BAHCC1: variants seen among roughly 807,000 people sequenced by gnomAD.
The protein encoded by BAHCC1 is BAH domain and coiled-coil containing 1.
In BAHCC1, 43 loss-of-function variants were observed where a neutral mutation model predicts 88.2. That is an observed-to-expected ratio of 0.49 (90% CI 0.38 to 0.63). BAHCC1 has a LOEUF of 0.63. Among genes scored for constraint, BAHCC1 ranks in the 20% least tolerant of loss-of-function variants. The pLI, the probability that BAHCC1 is intolerant of heterozygous loss-of-function variation, is 0.00. For synonymous variants in BAHCC1, 1,510 were observed against 745.5 expected, an observed-to-expected ratio of 2.03 and a Z score of -16.71; for missense variants, 3,023 against 1,654.8, an observed-to-expected ratio of 1.83 and a Z score of -14.34.
At chr17:81,463,575 G>A in intron 27 of BAHCC1, 36 bp from the exon 28 acceptor site, 1 of 777,282 alleles carries the variant, frequency 1.3e-6, no homozygotes, top group South Asian at 1.3e-5. Context: ...CACTGGCCAA[G>A]GCCGGCCACT....
At chr17:81,429,340 G>C (rs978129367) in intron 3 of BAHCC1, among the ~76,000 whole-genome samples, 4 of 152,200 alleles carry the variant, frequency 2.6e-5, no homozygotes, top group African/African-American at 9.6e-5. Context: ...GCTGTCCCCT[G>C]CTCTGCCTTC....
At chr17:81,458,081 A>C (rs1336414332) in intron 17 of BAHCC1, 84 bp from the exon 18 acceptor site, 1 of 687,966 alleles carries the variant, frequency 1.5e-6, no homozygotes, top group Non-Finnish European at 2.7e-6. Flanking sequence ...CTAGGTAACC[A>C]GGAGGGAGGA....
At position 81,447,373 on chromosome 17, in the gene BAHCC1, C is replaced by T. The variant is rs1205185833; in HGVS notation, c.3501C>T (p.Gly1167=). 2.0e-5 allele frequency: 15 copies of T among 735,898 alleles called. No homozygotes were observed. Among genetic ancestry groups the T allele is most frequent in the Non-Finnish European group, 3.8e-5 (15 of 396,520 alleles). The allele number at this position is 735,898 out of a possible 1,614,324, so 45.6% of individuals were successfully genotyped here. A position where few individuals can be genotyped will look rare whatever the true frequency, so the allele number is the denominator to read the frequency against. ...LQCAALLEAG[G]PEATGQAHST... is the part of the protein sequence containing the mutation. ...GTGCGGCCCTCCTGGAGGCAGGGGG[C>T]CCCGAGGCCACCGGCCAGGCTCATT... Residue 1167 remains glycine, a synonymous_variant, in exon 11 of 28, where the codon GGC becomes GGT. Coordinates refer to ENST00000675386, the MANE Select transcript of BAHCC1 (RefSeq NM_001377448.1).
rs1489944820 is a variant in BAHCC1, at chr17:81,425,419, GGGTGATGTGGTTGGT to G, written c.179-1366_179-1352del. On this transcript the variant is annotated intron_variant, in intron 2 of 27. Transcript: ENST00000675386. ...GATAGTGGTGGGTGATGTGGTTGGT[GGGTGATGTGGTTGGT>G]GGTGATGTGGTTGGGGGTGATAGTG... Among the ~76,000 whole-genome samples the G allele has an allele frequency of 1.3e-3, 62 of 46,436 alleles. 1 individual carries two copies. The highest frequency in any genetic ancestry group is 1.6e-3 in the Non-Finnish European group (40 of 25,044). 30.5% of individuals were successfully genotyped at this position (46,436 alleles called of 152,430 possible).
intron 11 of BAHCC1, among the ~76,000 whole-genome samples, chr17:81,451,346 C>T (rs1359205047): frequency 1.3e-5 from 2 of 152,268 alleles, no homozygotes; most frequent in South Asian, 2.1e-4. Flanking sequence ...GACACACAGG[C>T]GTTTCTGTTA....
Position 81,411,160 on chromosome 17 carries a change from T to G in BAHCC1, c.178+11243T>G, listed in dbSNP as rs1446658795. ...TTCATCACGTGCCTGCAGGTGCCTG[T>G]GTCCTGTCTCTGCCCCAGGCTGAGG... On this transcript the variant is annotated intron_variant, in intron 2 of 27. Coordinates refer to ENST00000675386, the MANE Select transcript of BAHCC1 (RefSeq NM_001377448.1). This position sits in a 1 kb window ranked among gnomAD's most constrained non-coding sequence, Gnocchi z 6.2. The G allele has an allele frequency of 3.9e-6, 2 of 518,894 alleles. No individual in the cohort carries two copies. The highest frequency in any genetic ancestry group is 3.9e-5 in the African/African-American group (2 of 51,924). The allele number at this position is 518,894 out of a possible 1,614,324, so 32.1% of individuals were successfully genotyped here.
intron 2 of BAHCC1, chr17:81,402,227 G>T (rs574390373): frequency 6.6e-6 from 1 of 152,230 alleles, no homozygotes; most frequent in Admixed American, 6.5e-5. Flanking sequence ...GCTTGTGCTC[G>T]GAGATGTTCA....
chr17:81,398,621 AC>A (rs2063770544), intron 1 of BAHCC1, among the ~76,000 whole-genome samples: 1 of 151,910 alleles, frequency 6.6e-6, no homozygotes, highest in Non-Finnish European at 1.5e-5. Flanking sequence ...CCCCACACAC[AC>A]CCCCAAGCCC....
chr17:81,454,493 G>A (rs1466001018), intron 14 of BAHCC1, among the ~76,000 whole-genome samples: 3 of 152,146 alleles, frequency 2.0e-5, no homozygotes, highest in African/African-American at 7.2e-5. Context: ...CCCGGCAACG[G>A]GGTCCCTGGG....
At chr17:81,402,801 T>G (rs1555646284) in intron 2 of BAHCC1, 1 of 152,186 alleles carries the variant, frequency 6.6e-6, no homozygotes, top group African/African-American at 2.4e-5. Context: ...CCCAACACTT[T>G]CAGAATGTCA....
chr17:81,455,016 G>A lies in BAHCC1; in HGVS notation c.4446-251G>A, dbSNP rs59800027. ...AGTATAGCCAAGTGGGGGATGGGGC[G>A]GATTTGAGGATATAGGGACTGCTGA... On this transcript the variant is annotated intron_variant, in intron 14 of 27. Coordinates refer to ENST00000675386, the MANE Select transcript of BAHCC1 (RefSeq NM_001377448.1). 4.7e-3 allele frequency among the ~76,000 whole-genome samples: 723 copies of A among 152,346 alleles called. 6 individuals carry two copies. The highest frequency in any genetic ancestry group is 0.016 in the African/African-American group (660 of 41,582).
Position 81,465,605 on chromosome 17 carries a change from A to T in BAHCC1, c.*1788A>T, listed in dbSNP as rs2030649268. The stretch of plus-strand genomic sequence containing the variant: ...CTCTAGGACGAGCTCTGTGTCCCCC[A>T]CACCACAGGCCTCGAAGCAGGGTGC... On this transcript the variant is annotated 3_prime_UTR_variant, in exon 28 of 28. Coordinates refer to ENST00000675386, the MANE Select transcript of BAHCC1 (RefSeq NM_001377448.1). The T allele has an allele frequency of 6.6e-6, 1 of 152,240 alleles. No homozygotes were observed. Among genetic ancestry groups the T allele is most frequent in the South Asian group, 2.1e-4 (1 of 4,828 alleles). 9.4% of individuals were successfully genotyped at this position (152,240 alleles called of 1,614,324 possible). A position where few individuals can be genotyped will look rare whatever the true frequency, so the allele number is the denominator to read the frequency against.
At chr17:81,456,168 G>C (rs1244371944) in intron 15 of BAHCC1, 129 bp from the exon 16 acceptor site, 3 of 599,440 alleles carry the variant, frequency 5.0e-6, no homozygotes, top group Non-Finnish European at 8.8e-6. Context: ...TTCAGCCCCT[G>C]TGGATCGAGG....
intron 5 of BAHCC1, 40 bp from the exon 6 acceptor site, chr17:81,443,769 G>A (rs374603371): frequency 1.2e-4 from 84 of 702,806 alleles, no homozygotes; most frequent in African/African-American, 9.1e-4. Flanking sequence ...CTCCCTGGCC[G>A]CCCCAACCCT....
At chr17:81,426,023 A>G (rs1461748680) in intron 2 of BAHCC1, among the ~76,000 whole-genome samples, 5 of 68,340 alleles carry the variant, frequency 7.3e-5, no homozygotes, top group Non-Finnish European at 1.1e-4. Context: ...ATGGTGGGTG[A>G]TGTGGTTGGT....
chr17:81,420,111 C>G (rs1389488129), intron 2 of BAHCC1, among the ~76,000 whole-genome samples: 4 of 152,196 alleles, frequency 2.6e-5, no homozygotes, highest in Non-Finnish European at 5.9e-5. Flanking sequence ...CCGACCCTTA[C>G]AGAGGGAGTG....
rs782447164 is a variant in BAHCC1, at chr17:81,445,354, C to T, written c.2836C>T (p.Arg946Trp). Residue 946 changes from arginine (R) to tryptophan (W), a missense_variant and splice_region_variant, in exon 10 of 28, where the codon CGG (arginine) becomes TGG (tryptophan). Physicochemically the swap from Arg to Trp is moderately radical, Grantham distance 101. Coordinates refer to ENST00000675386, the MANE Select transcript of BAHCC1 (RefSeq NM_001377448.1). ...LQQQRAAQFQ[R>W]KPEDQHLDLE... ...CCGAGCTTGCCCCCATCCCTGACAG[C>T]GGAAGCCCGAAGACCAGCACCTGGA... is the stretch of plus-strand genomic sequence containing the variant. 6 of 772,544 alleles carry T rather than the reference C, an allele frequency of 7.8e-6. No homozygotes were observed. Among genetic ancestry groups the T allele is most frequent in the Admixed American group, 6.9e-5 (4 of 58,262 alleles). The allele number at this position is 772,544 out of a possible 1,614,324, so 47.9% of individuals were successfully genotyped here.
chr17:81,416,871 G>C (rs1269027921), intron 2 of BAHCC1, among the ~76,000 whole-genome samples: 1 of 152,208 alleles, frequency 6.6e-6, no homozygotes, highest in Non-Finnish European at 1.5e-5. Flanking sequence ...AGGGCCACAT[G>C]GCTATGTGGA....
chr17:81,406,345 A>C (rs1229915213), intron 2 of BAHCC1, among the ~76,000 whole-genome samples: 1 of 152,138 alleles, frequency 6.6e-6, no homozygotes, highest in Non-Finnish European at 1.5e-5. Flanking sequence ...TAGGTGGGTT[A>C]CTTGCTCTGC....
Sources: gnomAD v4.1 joint callset for allele counts (sites outside exome capture counted in the v4.1 genomes callset) on GRCh38, gnomAD v4.1.1 for gene constraint, Gnocchi (gnomAD v3.1) non-coding constraint, MANE v1.5 for transcripts, NCBI Gene and HGNC (gene_info 2026-07-23, HGNC 2026-07-21) for gene names.